The following ATP8B3 variants were observed in gnomAD, a reference collection of about 807,000 sequenced individuals.
ATP8B3 encodes the protein ATPase phospholipid transporting 8B3.
ATP8B3 carries 141 observed loss-of-function variants against 140.9 expected under a neutral mutation model. The observed-to-expected ratio is 1.00, with a 90% CI of 0.87 to 1.15. The LOEUF (loss-of-function observed/expected upper bound fraction) is 1.15, where lower values mean the gene tolerates loss of function less well. Ranked by LOEUF, ATP8B3 falls within the 50% of genes most tolerant of loss-of-function variation. The probability of loss-of-function intolerance (pLI) is 0.00; values close to 1 mark genes in which losing one functional copy is unlikely to be tolerated. For synonymous variants in ATP8B3, 765 were observed against 714.6 expected, an observed-to-expected ratio of 1.07 and a Z score of -1.13; for missense variants, 1,874 against 1,740.6, an observed-to-expected ratio of 1.08 and a Z score of -1.36.
chr19:1,808,859 G>A (rs1011277691), intron 4 of ATP8B3, among the ~76,000 whole-genome samples: 2 of 152,182 alleles, frequency 1.3e-5, no homozygotes, highest in African/African-American at 2.4e-5. Flanking sequence ...TAGGACGGGC[G>A]GTTCGGTCCT....
Position 1,806,108 on chromosome 19 carries a change from T to A in ATP8B3, c.739A>T (p.Asn247Tyr). ...CAACCCCAGCTCACTGGGACGATGT[T>A]GTCCTTGCGGAGACAGACCACATCC... is the stretch of plus-strand genomic sequence containing the variant. Reference protein sequence around the residue: ...VGDVVCLRKDNIVPADMLLLA... With the variant: ...VGDVVCLRKDYIVPADMLLLA... Residue 247 changes from asparagine to tyrosine, a missense_variant, in exon 8 of 29, where the codon AAC (asparagine) becomes TAC (tyrosine). By Grantham distance (143) the Asn-to-Tyr change is moderately radical. This residue lies in a region of ATP8B3 where 1,032 missense variants were observed against 963.6 expected (regional missense o/e 1.07). Coordinates refer to ENST00000310127, the MANE Select transcript of ATP8B3 (RefSeq NM_138813.4). This position sits in a 1 kb window ranked among gnomAD's most constrained non-coding sequence, Gnocchi z 5.6. 1 of 1,602,960 alleles carries A rather than the reference T, an allele frequency of 6.2e-7. No homozygotes were observed. Among genetic ancestry groups the A allele is most frequent in the Non-Finnish European group, 8.5e-7 (1 of 1,175,282 alleles).
In ATP8B3 at chr19:1,785,380, C is replaced by G. The variant is rs1169995094; in HGVS notation, c.3394-83G>C. 4.5e-6 allele frequency: 7 copies of G among 1,554,508 alleles called. No individual in the cohort carries two copies. The Admixed American group carries it at 7.6e-5, about 17-fold the overall frequency. On this transcript the variant is annotated intron_variant, in intron 26 of 28. Coordinates refer to ENST00000310127, the MANE Select transcript of ATP8B3 (RefSeq NM_138813.4). The stretch of plus-strand genomic sequence containing the variant: ...AGCCCCTGGGGTCCAGGAAGGGCAC[C>G]TGGCAATGCCCCCAAAGCAGGGGTC...
At position 1,802,042 on chromosome 19, in the gene ATP8B3, A is replaced by C. The variant is rs769980406; in HGVS notation, c.1066T>G (p.Phe356Val). ...TCYGLVIYAG[F>V]DTKIMKNCGK... ...CAGTTCTTCATAATTTTTGTGTCAA[A>C]ACCTACAAACATGTATCCATCTATC... Residue 356 changes from phenylalanine (F) to valine (V), a missense_variant and splice_region_variant, in exon 12 of 29, where the codon TTT (phenylalanine) becomes GTT (valine). By Grantham distance (50) the Phe-to-Val change is conservative. Coordinates refer to ENST00000310127, the MANE Select transcript of ATP8B3 (RefSeq NM_138813.4). The C allele has an allele frequency of 1.2e-6, 2 of 1,609,304 alleles. No homozygotes were observed. Among genetic ancestry groups the C allele is most frequent in the Non-Finnish European group, 1.7e-6 (2 of 1,178,782 alleles).
intron 18 of ATP8B3, among the ~76,000 whole-genome samples, chr19:1,795,191 G>T (rs967336049): frequency 2.0e-5 from 3 of 152,156 alleles, no homozygotes; most frequent in African/African-American, 7.2e-5. Flanking sequence ...GGAGGCAGAG[G>T]TTGCAGTGAC....
In ATP8B3 at chr19:1,809,704, C is replaced by A. The variant is rs760435851; in HGVS notation, c.341G>T (p.Arg114Leu). Reference sequence around the variant, plus strand: ...CTCCTTGAACTGCCCGTTGTAGGCACGGTTGTTGGCCTGGACCTTCCAGGT... The same window carrying A: ...CTCCTTGAACTGCCCGTTGTAGGCAAGGTTGTTGGCCTGGACCTTCCAGGT... ...AFTWKVQANN[R>L]AYNGQFKEKV... The change falls in exon 4 of 29, where the codon CGT becomes CTT. Residue 114 changes from arginine to leucine, a missense_variant. Arg to Leu is a moderately radical substitution (Grantham distance 102). Coordinates refer to ENST00000310127, the MANE Select transcript of ATP8B3 (RefSeq NM_138813.4). The A allele has an allele frequency of 6.2e-7, 1 of 1,611,112 alleles. No individual in the cohort carries two copies. Among genetic ancestry groups the A allele is most frequent in the Non-Finnish European group, 8.5e-7 (1 of 1,178,990 alleles).
At position 1,796,801 on chromosome 19, in the gene ATP8B3, T is replaced by G; in HGVS notation, c.1663A>C (p.Thr555Pro). ...TCCCGCACGGCCTCGTCCCCGTTGG[T>G]CCGCACGAGGTGCAGCAGGGCCGCA... The part of the protein sequence containing the change: ...HNAALLHLVR[T>P]NGDEAVREFW... The change falls in exon 16 of 29, where the codon ACC (threonine) becomes CCC (proline). Residue 555 changes from threonine (T) to proline (P), a missense_variant. Coordinates refer to ENST00000310127, the MANE Select transcript of ATP8B3 (RefSeq NM_138813.4). 6.2e-7 allele frequency: 1 copy of G among 1,612,522 alleles called. No individual in the cohort carries two copies. The highest frequency in any genetic ancestry group is 8.5e-7 in the Non-Finnish European group (1 of 1,179,612).
rs2068246312 is a variant in ATP8B3, at chr19:1,784,681, C to T, written c.3660+138G>A. 3 of 1,246,134 alleles carry T rather than the reference C, an allele frequency of 2.4e-6. No individual in the cohort carries two copies. In the Admixed American group the frequency reaches 9.1e-5, roughly 38 times the overall value. 77.2% of individuals were successfully genotyped at this position (1,246,134 alleles called of 1,614,324 possible). On this transcript the variant is annotated intron_variant, in intron 28 of 28. Transcript: ENST00000310127. ...CTGGGCGTGTGTCCGGGGCTCCGCA[C>T]CCACCCTTCCCCCAAGCCTAGTGTC...
intron 21 of ATP8B3, 90 bp from the exon 22 acceptor site, chr19:1,790,079 C>G: frequency 1.1e-6 from 1 of 925,752 alleles, no homozygotes; most frequent in Non-Finnish European, 1.7e-6. Flanking sequence ...ACCCCTTCCA[C>G]TGCCCACTCC....
In ATP8B3 at chr19:1,807,089, C is replaced by A; in HGVS notation, c.615+79G>T. 1.5e-6 allele frequency: 2 copies of A among 1,308,780 alleles called. No individual in the cohort carries two copies. Among genetic ancestry groups the A allele is most frequent in the South Asian group, 1.2e-5 (1 of 83,440 alleles). The allele number at this position is 1,308,780 out of a possible 1,614,324, so 81.1% of individuals were successfully genotyped here. On this transcript the variant is annotated intron_variant, in intron 6 of 28. Coordinates refer to ENST00000310127, the MANE Select transcript of ATP8B3 (RefSeq NM_138813.4). The surrounding 1 kb of genome is among the most constrained non-coding windows in gnomAD (Gnocchi z 5.9). ...GCTCCAGGAAGCCCAGCCCTCCTCC[C>A]ACTCTCGCCCAGGGATCAAGAGACC...
intron 10 of ATP8B3, among the ~76,000 whole-genome samples, chr19:1,803,811 G>A (rs2068926553): frequency 6.7e-6 from 1 of 150,164 alleles, no homozygotes. Context: ...CAGGAGAATC[G>A]CTTGAACCCG....
intron 1 of ATP8B3, 41 bp from the exon 2 acceptor site, chr19:1,811,925 GC>G (rs2069200147): frequency 9.2e-6 from 6 of 652,134 alleles, no homozygotes; most frequent in Non-Finnish European, 1.5e-5. Context: ...CTGGCTTCCT[GC>G]CCCCTCACTA....
chr19:1,783,953 G>C (rs1376899582), intron 28 of ATP8B3, among the ~76,000 whole-genome samples: 3 of 152,070 alleles, frequency 2.0e-5, no homozygotes, highest in Admixed American at 2.0e-4. Context: ...ACCTGCTTCA[G>C]CCTCTCAAAG....
rs550343701 is a variant in ATP8B3 at position 1,783,094 on chromosome 19, G to A, written c.3837C>T (p.Asp1279=). Residue 1279 remains aspartate, a synonymous_variant, in exon 29 of 29, where the codon GAC becomes GAT. Coordinates refer to ENST00000310127, the MANE Select transcript of ATP8B3 (RefSeq NM_138813.4). ...ATGGGTCTAGGGATTCAGATGCTAT[G>A]TCACTGCTGACCCCTGGTCCCCTCC... ...ILRRGPGVSS[D]IASESLDPSD... is the part of the protein sequence containing the mutation. 3 of 1,613,424 alleles carry A rather than the reference G, an allele frequency of 1.9e-6. No individual in the cohort carries two copies. Among genetic ancestry groups the A allele is most frequent in the South Asian group, 2.2e-5 (2 of 90,968 alleles).
At chr19:1,786,761 T>C (rs1180985359) in intron 25 of ATP8B3, among the ~76,000 whole-genome samples, 1 of 147,148 alleles carries the variant, frequency 6.8e-6, no homozygotes, top group East Asian at 2.1e-4. Context: ...CCAGATCACG[T>C]AGCCAGGGCC....
chr19:1,812,051 G>A, intron 1 of ATP8B3, 135 bp downstream of exon 1: 1 of 300,746 alleles, frequency 3.3e-6, no homozygotes. Context: ...CCGCCCCGGG[G>A]CCCCGACCGC....
chr19:1,809,220 C>G (rs527670580), intron 4 of ATP8B3, among the ~76,000 whole-genome samples: 2 of 151,242 alleles, frequency 1.3e-5, no homozygotes, highest in Non-Finnish European at 2.9e-5. Flanking sequence ...CAGTGGCTTA[C>G]GCCTGTAATC....
At chr19:1,788,111 C>T (rs2068365610) in intron 24 of ATP8B3, among the ~76,000 whole-genome samples, 1 of 152,180 alleles carries the variant, frequency 6.6e-6, no homozygotes, top group Middle Eastern at 3.2e-3. Context: ...GTAAAGCTCC[C>T]TCTCAAATGC....
In ATP8B3 at chr19:1,800,092, C is replaced by G; in HGVS notation, c.1407G>C (p.Lys469Asn). Residue 469 changes from lysine (K) to asparagine (N), a missense_variant, in exon 14 of 29, where the codon AAG becomes AAC. Physicochemically the swap from Lys to Asn is moderately conservative, Grantham distance 94 (BLOSUM62 0). This residue lies in a region of ATP8B3 where 1,032 missense variants were observed against 963.6 expected (regional missense o/e 1.07). Transcript: ENST00000310127. This position sits in a 1 kb window ranked among gnomAD's most constrained non-coding sequence, Gnocchi z 4.4. ...FIDWDVQMYY[K>N]PQDVPAKARS... ...GGGCCTTGGCAGGCACGTCCTGCGG[C>G]TTGTAGTACATCTGCACGTCCCAGT... is the stretch of plus-strand genomic sequence containing the variant. The G allele has an allele frequency of 6.4e-7, 1 of 1,573,742 alleles. No individual in the cohort carries two copies. The highest frequency in any genetic ancestry group is 1.2e-5 in the South Asian group (1 of 86,228).
intron 4 of ATP8B3, among the ~76,000 whole-genome samples, chr19:1,808,639 C>T (rs562956931): frequency 2.6e-4 from 39 of 152,320 alleles, no homozygotes; most frequent in Non-Finnish European, 5.4e-4. Context: ...AATGTAAAAG[C>T]CTGGAGCCAG....
Sources: gnomAD v4.1 joint callset for allele counts (sites outside exome capture counted in the v4.1 genomes callset) on GRCh38, gnomAD v4.1.1 for gene constraint, gnomAD v4.1.1 regional missense constraint, Gnocchi (gnomAD v3.1) non-coding constraint, MANE v1.5 for transcripts, NCBI Gene and HGNC (gene_info 2026-07-23, HGNC 2026-07-21) for gene names.